PRKD1: variants seen among roughly 807,000 people sequenced by gnomAD.
PRKD1 encodes serine/threonine-protein kinase D1.
PRKD1 carries 63 observed loss-of-function variants against 95.9 expected under a neutral mutation model. The observed-to-expected ratio is 0.66, with a 90% CI of 0.54 to 0.81. The LOEUF (loss-of-function observed/expected upper bound fraction) is 0.81. PRKD1 is among the 30% of genes least tolerant of loss of function. PRKD1 has a pLI of 0.00. For synonymous variants in PRKD1, 425 were observed against 423.1 expected, an observed-to-expected ratio of 1.00 and a Z score of -0.05; for missense variants, 1,048 against 1,165.3, an observed-to-expected ratio of 0.90 and a Z score of 1.47.
rs113834245 is a variant in PRKD1 at position 29,876,302 on chromosome 14, G to C, written c.264+50947C>G. On this transcript the variant is annotated intron_variant, in intron 1 of 17. Coordinates refer to ENST00000331968, the MANE Select transcript of PRKD1 (RefSeq NM_002742.3). Reference sequence around the variant, plus strand: ...CATTTTTGGAAAGGCAAAACCATGGGGATAAAGAACAGGTCATTGCCAACC... The same window carrying C: ...CATTTTTGGAAAGGCAAAACCATGGCGATAAAGAACAGGTCATTGCCAACC... Among the ~76,000 whole-genome samples, 33 of 152,164 alleles carry C rather than the reference G, an allele frequency of 2.2e-4. No individual in the cohort carries two copies. In the East Asian group the frequency reaches 5.6e-3, roughly 26 times the overall value.
intron 1 of PRKD1, among the ~76,000 whole-genome samples, chr14:29,844,637 T>G (rs772083351): frequency 6.6e-6 from 1 of 152,192 alleles, no homozygotes; most frequent in Admixed American, 6.5e-5. Flanking sequence ...TACATAGACA[T>G]AGGTAAGAAA....
chr14:29,740,045 T>C (rs568510140), intron 1 of PRKD1, among the ~76,000 whole-genome samples: 16 of 152,338 alleles, frequency 1.1e-4, no homozygotes, highest in African/African-American at 3.1e-4. Context: ...AGCCTCACTA[T>C]TGTTGTGTAA....
chr14:29,683,254 C>T (rs775822704), intron 2 of PRKD1, among the ~76,000 whole-genome samples: 1 of 152,066 alleles, frequency 6.6e-6, no homozygotes, highest in East Asian at 1.9e-4. Context: ...ATAGACTTGA[C>T]GATTAATATG....
rs567470108 is a variant in PRKD1 at position 29,583,546 on chromosome 14, G to A, written c.2435-5186C>T. 2.6e-5 allele frequency among the ~76,000 whole-genome samples: 4 copies of A among 152,244 alleles called. No individual in the cohort carries two copies. In the South Asian group the frequency reaches 8.3e-4, roughly 32 times the overall value. ...TATACCTCCTCATTTATTCTGGGGGGTGAGTCTTTCTAACATTATTCTGAG... is the reference window on the plus strand; with the variant it reads ...TATACCTCCTCATTTATTCTGGGGGATGAGTCTTTCTAACATTATTCTGAG... On this transcript the variant is annotated intron_variant, in intron 16 of 17. Transcript: ENST00000331968.
At chr14:29,849,544 A>G (rs541971840) in intron 1 of PRKD1, among the ~76,000 whole-genome samples, 7 of 151,690 alleles carry the variant, frequency 4.6e-5, no homozygotes, top group African/African-American at 1.2e-4. Flanking sequence ...AAAAAACTGA[A>G]TCAGTGAAGT....
At chr14:29,918,044 T>C (rs1438653008) in intron 1 of PRKD1, among the ~76,000 whole-genome samples, 1 of 152,082 alleles carries the variant, frequency 6.6e-6, no homozygotes, top group Non-Finnish European at 1.5e-5. Context: ...GTACTAAGCC[T>C]AGTACCCCAA....
At chr14:29,883,754 T>C (rs967149481) in intron 1 of PRKD1, among the ~76,000 whole-genome samples, 4 of 152,194 alleles carry the variant, frequency 2.6e-5, no homozygotes, top group African/African-American at 7.2e-5. Flanking sequence ...CCTAAACTCA[T>C]AGTCCAGAGA....
intron 1 of PRKD1, among the ~76,000 whole-genome samples, chr14:29,764,036 GT>G (rs964989867): frequency 5.3e-5 from 8 of 151,602 alleles, no homozygotes; most frequent in East Asian, 3.9e-4. Flanking sequence ...TATATAGAGA[GT>G]TTTTTTTTCT....
intron 1 of PRKD1, among the ~76,000 whole-genome samples, chr14:29,859,983 G>T (rs891165773): frequency 2.6e-5 from 4 of 152,164 alleles, no homozygotes; most frequent in Admixed American, 6.5e-5. Context: ...ATACATTAAA[G>T]TGTACTTGTG....
intron 1 of PRKD1, among the ~76,000 whole-genome samples, chr14:29,909,945 CAAAACAGACCAATCAGCTCTCTGT>C (rs1164152962): frequency 2.1e-4 from 32 of 152,154 alleles, no homozygotes; most frequent in African/African-American, 4.3e-4. Context: ...AGCACCCTGT[CAAAACAGACCAATCAGCTCTCTGT>C]AAAACAGACC....
chr14:29,718,113 T>C (rs975503526), intron 2 of PRKD1, among the ~76,000 whole-genome samples: 1 of 152,158 alleles, frequency 6.6e-6, no homozygotes, highest in African/African-American at 2.4e-5. Context: ...GAAAATGGTT[T>C]AGTGTGGCAC....
intron 1 of PRKD1, among the ~76,000 whole-genome samples, chr14:29,828,880 C>A (rs1200980478): frequency 6.6e-6 from 1 of 152,174 alleles, no homozygotes; most frequent in African/African-American, 2.4e-5. Flanking sequence ...ATAATTGCTT[C>A]AGCCGATAGA....
rs550668706 is a variant in PRKD1, at chr14:29,673,908, C to T, written c.404-7700G>A. 2.6e-5 allele frequency among the ~76,000 whole-genome samples: 4 copies of T among 152,220 alleles called. No homozygotes were observed. The South Asian group carries it at 8.3e-4, about 32-fold the overall frequency. ...TGCCAGGGAAGACCTGGACTCTGAT[C>T]CTGGTCACAGCAAATGCATGACCTG... On this transcript the variant is annotated intron_variant, in intron 2 of 17. Coordinates refer to ENST00000331968, the MANE Select transcript of PRKD1 (RefSeq NM_002742.3).
intron 2 of PRKD1, among the ~76,000 whole-genome samples, chr14:29,696,080 A>G (rs1185063315): frequency 6.6e-6 from 1 of 152,242 alleles, no homozygotes; most frequent in Non-Finnish European, 1.5e-5. Context: ...AGATAAAGCA[A>G]TAACTAGCAT....
intron 1 of PRKD1, among the ~76,000 whole-genome samples, chr14:29,877,890 G>T (rs1021355824): frequency 6.6e-6 from 1 of 152,262 alleles, no homozygotes; most frequent in South Asian, 2.1e-4. Flanking sequence ...CAATGACAGG[G>T]AATCAACCTA....
chr14:29,819,896 C>T (rs912466226), intron 1 of PRKD1, among the ~76,000 whole-genome samples: 1 of 152,044 alleles, frequency 6.6e-6, no homozygotes, highest in Admixed American at 6.6e-5. Context: ...ACCAACAGTA[C>T]GAATTCAACT....
chr14:29,874,281 G>T (rs2139383365), intron 1 of PRKD1, among the ~76,000 whole-genome samples: 1 of 152,228 alleles, frequency 6.6e-6, no homozygotes, highest in South Asian at 2.1e-4. Context: ...CAATGAGATA[G>T]CATCTTATCC....
chr14:29,746,915 T>C (rs1887250542), intron 1 of PRKD1, among the ~76,000 whole-genome samples: 1 of 152,220 alleles, frequency 6.6e-6, no homozygotes, highest in African/African-American at 2.4e-5. Context: ...TTTATTAATT[T>C]GTAAATTGAC....
At chr14:29,826,732 CACAT>C (rs1353640798) in intron 1 of PRKD1, among the ~76,000 whole-genome samples, 6 of 52,688 alleles carry the variant, frequency 1.1e-4, no homozygotes, top group Admixed American at 2.5e-4. Context: ...CATATATATA[CACAT>C]ATATATACAC....
Sources: allele counts gnomAD v4.1 joint callset (sites outside exome capture counted in the v4.1 genomes callset), GRCh38; gene constraint gnomAD v4.1.1; transcripts MANE v1.5; gene names NCBI Gene and HGNC (gene_info 2026-07-23, HGNC 2026-07-21).